The following AMMECR1 variants were observed in gnomAD, a reference collection of about 807,000 sequenced individuals.
AMMECR1 encodes the protein AMMECR nuclear protein 1.
In AMMECR1, 3 loss-of-function variants were observed where a neutral mutation model predicts 22.5. That is an observed-to-expected ratio of 0.13 (90% confidence interval 0.06 to 0.35). The LOEUF (loss-of-function observed/expected upper bound fraction) is 0.35, where lower values mean the gene tolerates loss of function less well. AMMECR1 is among the 10% of genes least tolerant of loss of function. The pLI is 1.00. For missense variants in AMMECR1, 235 were observed against 278.7 expected (o/e 0.84, Z 1.12); for synonymous variants, 130 against 116.7 (o/e 1.11, Z -0.74).
intron 2 of AMMECR1, among the ~76,000 whole-genome samples, chrX:110,375,170 C>A (rs1258793964): frequency 9.0e-6 from 1 of 111,216 alleles, no homozygotes; most frequent in East Asian, 2.8e-4. Context: ...ACTGGAATTG[C>A]AAGACTAAAA....
intron 1 of AMMECR1, among the ~76,000 whole-genome samples, chrX:110,429,105 A>G (rs1197589670): frequency 2.7e-5 from 3 of 111,950 alleles, no homozygotes; most frequent in South Asian, 3.8e-4. Flanking sequence ...GAATTGCTCA[A>G]TTCTCATCTC....
At chrX:110,290,727 T>G (rs1300527751) in intron 1 of AMMECR1, among the ~76,000 whole-genome samples, 2 of 111,535 alleles carry the variant, frequency 1.8e-5, no homozygotes, top group East Asian at 5.6e-4. Flanking sequence ...AATCAGGAAT[T>G]TTTAGGGCAC....
chrX:110,337,368 ATTTG>A (rs778358709), intron 2 of AMMECR1, among the ~76,000 whole-genome samples: 14 of 111,899 alleles, frequency 1.3e-4, no homozygotes, highest in Non-Finnish European at 2.4e-4. Flanking sequence ...TTTTTAGACT[ATTTG>A]TTCTCATTTG....
intron 2 of AMMECR1, among the ~76,000 whole-genome samples, chrX:110,250,615 C>T (rs2067682033): frequency 8.9e-6 from 1 of 112,098 alleles, no homozygotes; most frequent in Non-Finnish European, 1.9e-5. Flanking sequence ...GTGCTAATTG[C>T]AGGCAATCTT....
At chrX:110,322,134 T>G (rs1029272542), upstream of AMMECR1, among the ~76,000 whole-genome samples, 1 of 112,503 alleles carries the variant, frequency 8.9e-6, no homozygotes, top group African/African-American at 3.2e-5. Flanking sequence ...TATTGTCAAC[T>G]TGAGTACAAA....
chrX:110,329,719 T>C (rs941609382), intron 2 of AMMECR1, among the ~76,000 whole-genome samples: 1 of 112,124 alleles, frequency 8.9e-6, no homozygotes, highest in African/African-American at 3.2e-5. Flanking sequence ...GGAATGATGG[T>C]GATGCCAAAC....
chrX:110,406,422 C>A (rs976639671), intron 2 of AMMECR1, among the ~76,000 whole-genome samples: 1 of 111,728 alleles, frequency 9.0e-6, no homozygotes, highest in African/African-American at 3.3e-5. Context: ...CATGTCCCTG[C>A]AAAGGACGTG....
At chrX:110,280,032 AT>A (rs1225730384) in intron 1 of AMMECR1, among the ~76,000 whole-genome samples, 2 of 112,019 alleles carry the variant, frequency 1.8e-5, no homozygotes, top group East Asian at 2.8e-4. Flanking sequence ...AAAATAGCCA[AT>A]TTTTATTGAA....
chrX:110,307,864 CTTTTTTTT>C (rs1162615101), intron 1 of AMMECR1, among the ~76,000 whole-genome samples: 5 of 63,618 alleles, frequency 7.9e-5, no homozygotes, highest in African/African-American at 1.3e-4. Flanking sequence ...TTTTTTTTTT[CTTTTTTTT>C]TTTTTTTTTT....
intron 2 of AMMECR1, among the ~76,000 whole-genome samples, chrX:110,383,271 C>A (rs2148277180): frequency 9.0e-6 from 1 of 111,079 alleles, no homozygotes; most frequent in Admixed American, 9.6e-5. Flanking sequence ...CCCACCATGG[C>A]CCATCCCCTT....
At chrX:110,351,200 A>G (rs2068209952) in intron 2 of AMMECR1, among the ~76,000 whole-genome samples, 1 of 111,937 alleles carries the variant, frequency 8.9e-6, no homozygotes, top group African/African-American at 3.2e-5. Flanking sequence ...ATTCAACACA[A>G]TCCCTATCAA....
chrX:110,320,332 GA>G (rs2068074309), upstream of AMMECR1, among the ~76,000 whole-genome samples: 1 of 111,206 alleles, frequency 9.0e-6, no homozygotes, highest in Non-Finnish European at 1.9e-5. Flanking sequence ...TAATTTTTTT[GA>G]AACTAGACTG....
intron 1 of AMMECR1, among the ~76,000 whole-genome samples, chrX:110,288,694 A>C (rs1028254082): frequency 1.8e-5 from 2 of 111,834 alleles, no homozygotes; most frequent in Admixed American, 1.9e-4. Flanking sequence ...GCCAAACTAT[A>C]CCATTTCTTT....
chrX:110,206,820 T>C (rs955772950), intron 3 of AMMECR1, among the ~76,000 whole-genome samples: 4 of 112,015 alleles, frequency 3.6e-5, no homozygotes, highest in African/African-American at 1.3e-4. Context: ...AATGCTGGGT[T>C]TCCCTGTAAT....
intron 2 of AMMECR1, among the ~76,000 whole-genome samples, chrX:110,339,209 CCACAAT>C (rs2068152311): frequency 9.0e-6 from 1 of 110,933 alleles, no homozygotes; most frequent in African/African-American, 3.3e-5. Flanking sequence ...AGGCAACTCT[CCACAAT>C]CACCTGATAT....
intron 2 of AMMECR1, chrX:110,224,999 T>C (rs765579505): frequency 1.1e-5 from 4 of 369,565 alleles, no homozygotes; most frequent in Non-Finnish European, 2.1e-5. Flanking sequence ...CCTTCAGAAC[T>C]GCAGGACATG....
At chrX:110,399,428 C>T (rs1018385601) in intron 2 of AMMECR1, among the ~76,000 whole-genome samples, 1 of 112,471 alleles carries the variant, frequency 8.9e-6, no homozygotes, top group East Asian at 2.8e-4. Context: ...TGAATTTGCG[C>T]TCACAGCAGG....
At chrX:110,295,926 GCTGT>G (rs2067933490) in intron 1 of AMMECR1, among the ~76,000 whole-genome samples, 2 of 111,621 alleles carry the variant, frequency 1.8e-5, no homozygotes, top group African/African-American at 6.5e-5. Context: ...TTATGCAGCT[GCTGT>G]CTTTCAAATC....
intron 2 of AMMECR1, among the ~76,000 whole-genome samples, chrX:110,331,177 C>G (rs1275677657): frequency 2.8e-5 from 3 of 108,745 alleles, no homozygotes; most frequent in African/African-American, 1.0e-4. Context: ...TTCTCTTACT[C>G]CAGCTACCTG....
Sources: allele counts gnomAD v4.1 joint callset (sites outside exome capture counted in the v4.1 genomes callset), GRCh38; gene constraint gnomAD v4.1.1; transcripts MANE v1.5; gene names NCBI Gene and HGNC (gene_info 2026-07-23, HGNC 2026-07-21).